Variants in SPTBN2 observed in about 807,000 individuals in gnomAD.
SPTBN2 encodes spectrin beta, non-erythrocytic 2.
Under a neutral mutation model 284.2 loss-of-function variants are expected in SPTBN2, and 107 were observed. The ratio of observed to expected loss-of-function variants is 0.38; its 90% CI spans 0.32 to 0.44. The LOEUF (loss-of-function observed/expected upper bound fraction) is 0.44. Ranked by LOEUF, SPTBN2 falls within the 20% of genes least tolerant of loss-of-function variation. The pLI, the probability that SPTBN2 is intolerant of heterozygous loss-of-function variation, is 1.00. For synonymous variants in SPTBN2, 1,289 were observed against 1,354.8 expected (o/e 0.95, Z 1.07); for missense variants, 2,569 against 3,287.1 (o/e 0.78, Z 5.34).
rs1467345753 is a variant in SPTBN2, at chr11:66,684,241, A to G, written c.*1630T>C. 6.6e-6 allele frequency among the ~76,000 whole-genome samples: 1 copy of G among 152,204 alleles called. No individual in the cohort carries two copies. Among genetic ancestry groups the G allele is most frequent in the Non-Finnish European group, 1.5e-5 (1 of 68,030 alleles). ...AGGCCACCAAGGAGTGCCCACTTCC[A>G]TCAACATCTGGAGACAAACACTGTG... On this transcript the variant is annotated 3_prime_UTR_variant, in exon 38 of 38. Coordinates refer to ENST00000533211, the MANE Select transcript of SPTBN2 (RefSeq NM_006946.4).
Position 66,707,564 on chromosome 11 carries a change from C to T in SPTBN2, c.1605G>A (p.Lys535=). 1 of 1,611,834 alleles carries T rather than the reference C, an allele frequency of 6.2e-7. No homozygotes were observed. The highest frequency in any genetic ancestry group is 8.5e-7 in the Non-Finnish European group (1 of 1,179,662). The part of the protein sequence containing the change: ...ERLLLNLELQ[K]VFQDLLYLMD... Reference sequence around the variant, plus strand: ...TGAGGTAGAGCAGGTCCTGGAACACCTTCTGCAGCTCCAGGTTGAGGAGGA... The same window carrying T: ...TGAGGTAGAGCAGGTCCTGGAACACTTTCTGCAGCTCCAGGTTGAGGAGGA... Residue 535 remains lysine (K), a synonymous_variant, in exon 13 of 38, where the codon AAG becomes AAA. Coordinates refer to ENST00000533211, the MANE Select transcript of SPTBN2 (RefSeq NM_006946.4). This position sits in a 1 kb window ranked among gnomAD's most constrained non-coding sequence, Gnocchi z 4.9.
chr11:66,693,155 C>A lies in SPTBN2; in HGVS notation c.4854+31G>T. 6.2e-7 allele frequency: 1 copy of A among 1,614,178 alleles called. No individual in the cohort carries two copies. The highest frequency in any genetic ancestry group is 8.5e-7 in the Non-Finnish European group (1 of 1,180,032). On this transcript the variant is annotated intron_variant, in intron 24 of 37. Transcript: ENST00000533211. The surrounding 1 kb of genome is among the most constrained non-coding windows in gnomAD (Gnocchi z 5.7). ...CAGGTCAGGGGAGGGCAGAACTGGT[C>A]ACATACACTGGGCTCTGTCCTGGCC...
At chr11:66,713,923 CA>C (rs1485513836) in intron 7 of SPTBN2, among the ~76,000 whole-genome samples, 167 bp downstream of exon 7, 7 of 152,196 alleles carry the variant, frequency 4.6e-5, no homozygotes, top group Admixed American at 1.3e-4. Context: ...TGCTTCCCAT[CA>C]CAAGTGCTCT....
intron 1 of SPTBN2, among the ~76,000 whole-genome samples, chr11:66,740,468 C>T (rs1033613677): frequency 2.0e-5 from 3 of 152,114 alleles, no homozygotes; most frequent in African/African-American, 7.2e-5. Context: ...CTGTCTGACC[C>T]CTGATAAGAA....
chr11:66,686,486 T>C, intron 36 of SPTBN2, 46 bp from the exon 37 acceptor site: 1 of 1,609,650 alleles, frequency 6.2e-7, no homozygotes, highest in Non-Finnish European at 8.5e-7. Flanking sequence ...AATCCGGATC[T>C]GCCAGGTAGC....
At chr11:66,686,536 G>C in intron 36 of SPTBN2, 96 bp from the exon 37 acceptor site, 1 of 1,380,258 alleles carries the variant, frequency 7.2e-7, no homozygotes, top group Non-Finnish European at 1.0e-6. Flanking sequence ...ACCAGGCTGG[G>C]ACATCTGGCT....
intron 1 of SPTBN2, among the ~76,000 whole-genome samples, chr11:66,722,217 A>G (rs1403615359): frequency 6.6e-6 from 1 of 152,152 alleles, no homozygotes; most frequent in Non-Finnish European, 1.5e-5. Context: ...TCACGTCACC[A>G]TAACTCCCTG....
rs546614460 is a variant in SPTBN2 at position 66,684,271 on chromosome 11, G to A, written c.*1600C>T. 2.0e-5 allele frequency among the ~76,000 whole-genome samples: 3 copies of A among 152,322 alleles called. No individual in the cohort carries two copies. Among genetic ancestry groups the A allele is most frequent in the African/African-American group, 7.2e-5 (3 of 41,570 alleles). On this transcript the variant is annotated 3_prime_UTR_variant, in exon 38 of 38. Coordinates refer to ENST00000533211, the MANE Select transcript of SPTBN2 (RefSeq NM_006946.4). ...CATCTGGAGACAAACACTGTGCCCT[G>A]AAAGCTCCGATTGCCAAACCAGAGA... is the stretch of plus-strand genomic sequence containing the variant.
chr11:66,738,665 G>A (rs981172939), intron 1 of SPTBN2, among the ~76,000 whole-genome samples: 5 of 151,266 alleles, frequency 3.3e-5, no homozygotes, highest in African/African-American at 9.7e-5. Flanking sequence ...ACAGGTGCTC[G>A]CCACCACGCC....
At chr11:66,694,899 C>T (rs1305284443) in intron 21 of SPTBN2, among the ~76,000 whole-genome samples, 1 of 152,176 alleles carries the variant, frequency 6.6e-6, no homozygotes, top group Non-Finnish European at 1.5e-5. Flanking sequence ...TTCCAAGGTG[C>T]TTTTCTTCCT....
At chr11:66,709,060 C>G (rs749047053) in intron 10 of SPTBN2, 41 bp from the exon 11 acceptor site, 4 of 1,543,550 alleles carry the variant, frequency 2.6e-6, no homozygotes, top group Non-Finnish European at 3.6e-6. Flanking sequence ...TTAAAGCCCA[C>G]GAGGGTCACA....
At chr11:66,727,137 T>C (rs1942645125) in intron 1 of SPTBN2, among the ~76,000 whole-genome samples, 1 of 152,228 alleles carries the variant, frequency 6.6e-6, no homozygotes, top group African/African-American at 2.4e-5. Flanking sequence ...TCAATTTCTC[T>C]AAGGGAAGAA....
chr11:66,738,371 G>A (rs1942870216), intron 1 of SPTBN2, among the ~76,000 whole-genome samples: 1 of 152,180 alleles, frequency 6.6e-6, no homozygotes, highest in South Asian at 2.1e-4. Flanking sequence ...GAGGTAAAAT[G>A]GGAAAAGAAT....
chr11:66,739,087 G>A (rs1196084207), intron 1 of SPTBN2, among the ~76,000 whole-genome samples: 2 of 152,186 alleles, frequency 1.3e-5, no homozygotes, highest in Non-Finnish European at 2.9e-5. Context: ...GATTACAGGC[G>A]TGAGCCAACG....
chr11:66,686,465 G>A (rs369856439), intron 36 of SPTBN2, 25 bp from the exon 37 acceptor site: 1 of 1,613,630 alleles, frequency 6.2e-7, no homozygotes, highest in Non-Finnish European at 8.5e-7. Flanking sequence ...AGGCCACAGG[G>A]CAGAGCTGAG....
rs147327184 is a variant in SPTBN2 at position 66,701,629 on chromosome 11, G to T, written c.2771C>A (p.Pro924Gln). ...IAEQLLKANP[P>Q]GKDRIVNTQE... ...GGTGTTGACAATGCGGTCTTTGCCT[G>T]GGGGGTTGGCCTTCAGTAACTGCTC... The change falls in exon 16 of 38, where the codon CCA (proline) becomes CAA (glutamine). Residue 924 changes from proline (P) to glutamine (Q), a missense_variant. Pro to Gln is a moderately conservative substitution (Grantham distance 76, BLOSUM62 -1). Transcript: ENST00000533211. 238 of 1,613,970 alleles carry T rather than the reference G, an allele frequency of 1.5e-4. 2 individuals carry two copies. In the African/African-American group the frequency reaches 1.8e-3, roughly 12 times the overall value.
At position 66,692,586 on chromosome 11, in the gene SPTBN2, C is replaced by G; in HGVS notation, c.5140G>C (p.Glu1714Gln). ...DDLEQWIQER[E>Q]VVAASHELGQ... ...AGCTCGTGGGAGGCCGCCACCACCT[C>G]GCGCTCCTGGATCCACTGTTCCAGG... The change falls in exon 26 of 38, where the codon GAG (glutamate) becomes CAG (glutamine). Residue 1714 changes from glutamate (E) to glutamine (Q), a missense_variant. Physicochemically the swap from Glu to Gln is conservative, Grantham distance 29. Transcript: ENST00000533211. The G allele has an allele frequency of 6.2e-7, 1 of 1,606,486 alleles. No individual in the cohort carries two copies. Among genetic ancestry groups the G allele is most frequent in the Non-Finnish European group, 8.5e-7 (1 of 1,179,956 alleles).
At chr11:66,702,028 G>A (rs1941274392) in intron 15 of SPTBN2, among the ~76,000 whole-genome samples, 1 of 152,212 alleles carries the variant, frequency 6.6e-6, no homozygotes, top group South Asian at 2.1e-4. Context: ...CCCTTTATCA[G>A]AGCTGCTCAG....
Position 66,693,621 on chromosome 11 carries a change from G to A in SPTBN2, c.4593+151C>T. On this transcript the variant is annotated intron_variant, in intron 23 of 37. Transcript: ENST00000533211. This position sits in a 1 kb window ranked among gnomAD's most constrained non-coding sequence, Gnocchi z 5.7. ...CGCCCAGCCCCCACTATCTCCTACT[G>A]AGAGGACCCACCCTCCCAAGGTGAG... 1 of 1,293,808 alleles carries A rather than the reference G, an allele frequency of 7.7e-7. No homozygotes were observed. 80.1% of individuals were successfully genotyped at this position (1,293,808 alleles called of 1,614,324 possible).
Sources: gnomAD v4.1 joint callset for allele counts (sites outside exome capture counted in the v4.1 genomes callset) on GRCh38, gnomAD v4.1.1 for gene constraint, Gnocchi (gnomAD v3.1) non-coding constraint, MANE v1.5 for transcripts, NCBI Gene and HGNC (gene_info 2026-07-23, HGNC 2026-07-21) for gene names.